The following SPIRE2 variants were observed in gnomAD, a reference collection of about 807,000 sequenced individuals.
SPIRE2 encodes the protein protein spire homolog 2.
In SPIRE2, 76 loss-of-function variants were observed where a neutral mutation model predicts 80.7. That is an observed-to-expected ratio of 0.94 (90% confidence interval 0.78 to 1.14). The LOEUF is 1.14. Ranked by LOEUF, SPIRE2 falls within the 50% of genes most tolerant of loss-of-function variation. The pLI is 0.00. For missense variants in SPIRE2, 1,196 were observed against 1,015.3 expected (o/e 1.18, Z -2.42); for synonymous variants, 535 against 432.6 (o/e 1.24, Z -2.94).
In SPIRE2 at chr16:89,828,584, G is replaced by A. The variant is rs1177972307; in HGVS notation, c.34G>A (p.Ala12Thr). ...ARAGSCGGAA[A>T]GAGRPEPWEL... is the part of the protein sequence containing the mutation. ...GGCGGGCAGCTGCGGCGGCGCCGCG[G>A]CGGGCGCAGGGCGGCCGGAGCCCTG... Residue 12 changes from alanine (A) to threonine (T), a missense_variant, in exon 1 of 15, where the codon GCG becomes ACG. Coordinates refer to ENST00000378247, the MANE Select transcript of SPIRE2 (RefSeq NM_032451.2). This position sits in a 1 kb window ranked among gnomAD's most constrained non-coding sequence, Gnocchi z 5.9. The A allele has an allele frequency of 1.7e-6, 2 of 1,180,132 alleles. No individual in the cohort carries two copies. The highest frequency in any genetic ancestry group is 2.1e-6 in the Non-Finnish European group (2 of 956,210). 73.1% of individuals were successfully genotyped at this position (1,180,132 alleles called of 1,614,324 possible). A position where few individuals can be genotyped will look rare whatever the true frequency, so the allele number is the denominator to read the frequency against.
chr16:89,856,018 ACTTCCCCACCACAGGTCCCG>A (rs2041687197), intron 6 of SPIRE2, 75 bp from the exon 7 acceptor site: 4 of 1,538,932 alleles, frequency 2.6e-6, no homozygotes, highest in East Asian at 2.3e-5. Context: ...TGTCATGGTC[ACTTCCCCACCACAGGTCCCG>A]CTTCCCCACC....
intron 13 of SPIRE2, among the ~76,000 whole-genome samples, chr16:89,868,555 A>T (rs888582246): frequency 6.6e-6 from 1 of 152,122 alleles, no homozygotes; most frequent in Non-Finnish European, 1.5e-5. Context: ...ACAGAGGTAA[A>T]GGGATCCTAA....
intron 1 of SPIRE2, among the ~76,000 whole-genome samples, chr16:89,840,049 A>G (rs1047217017): frequency 1.3e-4 from 20 of 152,224 alleles, no homozygotes; most frequent in African/African-American, 4.8e-4. Flanking sequence ...CAGGTTGGTC[A>G]GGATCTGACC....
chr16:89,863,420 A>G lies in SPIRE2; in HGVS notation c.1576-56A>G. 6.2e-7 allele frequency: 1 copy of G among 1,604,380 alleles called. No individual in the cohort carries two copies. The highest frequency in any genetic ancestry group is 8.5e-7 in the Non-Finnish European group (1 of 1,174,030). Reference sequence around the variant, plus strand: ...AGGGTTAGGGTCCTCAGGGAAGGAGAGTAAGCTAGGGGAGCCTCCTGCATA... The same window carrying G: ...AGGGTTAGGGTCCTCAGGGAAGGAGGGTAAGCTAGGGGAGCCTCCTGCATA... On this transcript the variant is annotated intron_variant, in intron 10 of 14. Transcript: ENST00000378247. The surrounding 1 kb of genome is among the most constrained non-coding windows in gnomAD (Gnocchi z 4.3).
rs541642092 is a variant in SPIRE2, at chr16:89,833,268, C to A, written c.244+4474C>A. ...CCTCCGAAAGTGCTGGGATGACAGG[C>A]ATGAGCCACCGCACCCGGCCATCTT... On this transcript the variant is annotated intron_variant, in intron 1 of 14. Transcript: ENST00000378247. Among the ~76,000 whole-genome samples, 14 of 150,250 alleles carry A rather than the reference C, an allele frequency of 9.3e-5. No homozygotes were observed. In the South Asian group the frequency reaches 3.0e-3, roughly 32 times the overall value.
chr16:89,843,693 TTTTTG>T (rs2041527551), intron 1 of SPIRE2, among the ~76,000 whole-genome samples: 2 of 67,188 alleles, frequency 3.0e-5, no homozygotes, highest in Admixed American at 1.7e-4. Flanking sequence ...TTGTTTTTGT[TTTTTG>T]TTTTTTTTTT....
Position 89,863,547 on chromosome 16 carries a change from G to A in SPIRE2, c.1647G>A (p.Val549=). The part of the protein sequence containing the change: ...EEVMDVRRVL[V]KAEMEKFLQN... The stretch of plus-strand genomic sequence containing the variant: ...TGATGGACGTGCGCCGTGTGCTGGT[G>A]AAGGCCGAGATGGAAAAGTTTTTGC... The change falls in exon 11 of 15, where the codon GTG becomes GTA. Residue 549 remains valine, a synonymous_variant. Transcript: ENST00000378247. This position sits in a 1 kb window ranked among gnomAD's most constrained non-coding sequence, Gnocchi z 4.3. 2 of 1,614,104 alleles carry A rather than the reference G, an allele frequency of 1.2e-6. No homozygotes were observed. The highest frequency in any genetic ancestry group is 1.7e-6 in the Non-Finnish European group (2 of 1,180,026).
intron 12 of SPIRE2, among the ~76,000 whole-genome samples, chr16:89,867,554 A>G (rs1278105220): frequency 6.6e-6 from 1 of 151,344 alleles, no homozygotes; most frequent in Non-Finnish European, 1.5e-5. Flanking sequence ...TGGTTCAGAA[A>G]CAAAAATCTG....
intron 1 of SPIRE2, among the ~76,000 whole-genome samples, chr16:89,829,702 C>G (rs1258398108): frequency 6.6e-6 from 1 of 151,670 alleles, no homozygotes; most frequent in Non-Finnish European, 1.5e-5. Context: ...CCAGGTCCTG[C>G]TCATCCTGGA....
At chr16:89,859,034 G>C in intron 8 of SPIRE2, 131 bp from the exon 9 acceptor site, 2 of 789,562 alleles carry the variant, frequency 2.5e-6, no homozygotes, top group Middle Eastern at 2.8e-4. Context: ...GGCAGGCTGG[G>C]AAGTGGGTGG....
chr16:89,861,863 C>T (rs532824250), intron 10 of SPIRE2: 13 of 152,356 alleles, frequency 8.5e-5, no homozygotes, highest in Non-Finnish European at 1.5e-4. Flanking sequence ...CCCCAGAGCA[C>T]GTGGTTCAAG....
At chr16:89,843,424 T>G (rs1598221248) in intron 1 of SPIRE2, among the ~76,000 whole-genome samples, 1 of 151,982 alleles carries the variant, frequency 6.6e-6, no homozygotes, top group African/African-American at 2.4e-5. Flanking sequence ...CCACTCGGAC[T>G]GTGGTTCTCT....
intron 1 of SPIRE2, among the ~76,000 whole-genome samples, chr16:89,829,540 C>G (rs1000705678): frequency 2.0e-5 from 3 of 152,192 alleles, no homozygotes; most frequent in African/African-American, 7.2e-5. Context: ...GTGTGTTTGC[C>G]GCACTCTCTC....
At chr16:89,837,280 G>T (rs2041459430) in intron 1 of SPIRE2, among the ~76,000 whole-genome samples, 1 of 152,178 alleles carries the variant, frequency 6.6e-6, no homozygotes, top group Non-Finnish European at 1.5e-5. Context: ...CCCACCCTCA[G>T]GGGACTCGGA....
At chr16:89,831,109 C>T (rs1284322203) in intron 1 of SPIRE2, among the ~76,000 whole-genome samples, 2 of 150,486 alleles carry the variant, frequency 1.3e-5, no homozygotes, top group Non-Finnish European at 3.0e-5. Context: ...CGGGGTTTCA[C>T]CGTGTTAGCC....
intron 12 of SPIRE2, among the ~76,000 whole-genome samples, chr16:89,864,110 C>G (rs528641250): frequency 9.9e-5 from 15 of 152,254 alleles, no homozygotes; most frequent in South Asian, 2.1e-4. Context: ...CTTCCACAGC[C>G]AAGAACAAAC....
intron 1 of SPIRE2, among the ~76,000 whole-genome samples, chr16:89,835,661 G>T (rs2041441377): frequency 6.6e-6 from 1 of 152,146 alleles, no homozygotes. Context: ...AGGGCATTGG[G>T]ACTCCAGATA....
chr16:89,836,121 G>C, intron 1 of SPIRE2: 2 of 446,844 alleles, frequency 4.5e-6, no homozygotes, highest in Non-Finnish European at 9.1e-6. Context: ...GTTGTAGTGA[G>C]TCGAGATTGC....
chr16:89,868,157 G>C, intron 12 of SPIRE2, 32 bp from the exon 13 acceptor site: 1 of 1,614,000 alleles, frequency 6.2e-7, no homozygotes, highest in East Asian at 2.2e-5. Flanking sequence ...CTTCCTCCCT[G>C]CTGATGCTGC....
Sources: allele counts gnomAD v4.1 joint callset (sites outside exome capture counted in the v4.1 genomes callset), GRCh38; gene constraint gnomAD v4.1.1; non-coding constraint Gnocchi (gnomAD v3.1); transcripts MANE v1.5; gene names NCBI Gene and HGNC (gene_info 2026-07-23, HGNC 2026-07-21).